Variants in FLII observed in about 807,000 individuals in gnomAD.
FLII encodes protein flightless-1 homolog.
In FLII, 101 loss-of-function variants were observed where a neutral mutation model predicts 156.2. The observed-to-expected ratio is 0.65, with a 90% CI of 0.55 to 0.76. FLII has a LOEUF of 0.76. Among genes scored for constraint, FLII ranks in the 30% least tolerant of loss-of-function variants. The pLI is 0.00. For synonymous variants in FLII, 767 were observed against 685.8 expected, an observed-to-expected ratio of 1.12 and a Z score of -1.85; for missense variants, 1,675 against 1,682.8, an observed-to-expected ratio of 1.00 and a Z score of 0.08.
At chr17:18,247,113 C>T in intron 21 of FLII, 56 bp downstream of exon 21, 2 of 1,532,082 alleles carry the variant, frequency 1.3e-6, no homozygotes, top group Non-Finnish European at 1.8e-6. Context: ...ATAGGCCCCG[C>T]CCTCGGCCTG....
chr17:18,246,483 G>C, intron 23 of FLII, 21 bp from the exon 24 acceptor site: 1 of 1,613,474 alleles, frequency 6.2e-7, no homozygotes, highest in Non-Finnish European at 8.5e-7. Flanking sequence ...GGAAGTGTTA[G>C]GGGCAGCTCC....
At chr17:18,248,987 G>T in intron 16 of FLII, 104 bp from the exon 17 acceptor site, 1 of 1,400,950 alleles carries the variant, frequency 7.1e-7, no homozygotes, top group Non-Finnish European at 1.0e-6. Context: ...GGGTTTCTGG[G>T]TAAGCCCCAG....
intron 1 of FLII, among the ~76,000 whole-genome samples, chr17:18,257,997 T>C (rs1019080042): frequency 2.0e-5 from 3 of 152,098 alleles, no homozygotes; most frequent in Non-Finnish European, 4.4e-5. Context: ...GTCCCTTTTC[T>C]CTCAGTCCAG....
chr17:18,257,678 C>T (rs867022534), intron 1 of FLII, among the ~76,000 whole-genome samples: 3 of 152,206 alleles, frequency 2.0e-5, no homozygotes, highest in African/African-American at 7.2e-5. Flanking sequence ...CAAAGAGGAA[C>T]GGGGACCCCA....
rs2048022795 is a variant in FLII at position 18,245,799 on chromosome 17, C to T, written c.3448G>A (p.Ala1150Thr). Residue 1150 changes from alanine (A) to threonine (T), a missense_variant, in exon 27 of 30, where the codon GCA becomes ACA. Around this residue, in one of 2 missense-constraint regions of FLII, gnomAD observed 1,332 missense variants for 1,269.3 expected, o/e 1.05. Coordinates refer to ENST00000327031, the MANE Select transcript of FLII (RefSeq NM_002018.4). ...GCATCGTCATCATAGGGCTTCTGTG[C>T]CCCAATGCCCACCCAGAAGAAGTTC... is the stretch of plus-strand genomic sequence containing the variant. ...PENFFWVGIG[A>T]QKPYDDDAEY... is the part of the protein sequence containing the mutation. The T allele has an allele frequency of 6.2e-7, 1 of 1,614,020 alleles. No individual in the cohort carries two copies. The highest frequency in any genetic ancestry group is 1.3e-5 in the African/African-American group (1 of 74,980).
chr17:18,245,752 A>G lies in FLII; in HGVS notation c.3495T>C (p.Arg1165=). 1 of 1,613,562 alleles carries G rather than the reference A, an allele frequency of 6.2e-7. No individual in the cohort carries two copies. Among genetic ancestry groups the G allele is most frequent in the Non-Finnish European group, 8.5e-7 (1 of 1,179,778 alleles). The part of the protein sequence containing the change: ...DDDAEYMKHT[R]LFRCSNEKGY... ...CAGGGCCCTGGCCTCACCGGAAGAG[A>G]CGTGTGTGTTTCATGTACTCGGCAT... Residue 1165 remains arginine, a synonymous_variant, in exon 27 of 30, where the codon CGT becomes CGC. Transcript: ENST00000327031.
chr17:18,245,525 G>A lies in FLII; in HGVS notation c.3609+30C>T, dbSNP rs1252502801. 4 of 1,611,528 alleles carry A rather than the reference G, an allele frequency of 2.5e-6. No homozygotes were observed. In the Admixed American group the frequency reaches 6.7e-5, roughly 27 times the overall value. ...TAAGTAAGTCTATGGGCGCCTCCTT[G>A]GATGGGCAGGGCTAGTGGCAACATC... On this transcript the variant is annotated intron_variant, in intron 28 of 29. Transcript: ENST00000327031.
In FLII at chr17:18,245,265, A is replaced by C; in HGVS notation, c.3683T>G (p.Ile1228Ser). 2 of 1,612,984 alleles carry C rather than the reference A, an allele frequency of 1.2e-6. No individual in the cohort carries two copies. Among genetic ancestry groups the C allele is most frequent in the Non-Finnish European group, 1.7e-6 (2 of 1,179,096 alleles). ...ATGTTCCTTGGACCGCATGTGCTGG[A>C]TATATACCTGGCAAGGGGACAGCGA... ...KLSLKACQVY[I>S]QHMRSKEHER... The change falls in exon 30 of 30, where the codon ATC becomes AGC. Residue 1228 changes from isoleucine (I) to serine (S), a missense_variant. By Grantham distance (142) the Ile-to-Ser change is moderately radical (BLOSUM62 -2). Around this residue, in one of 2 missense-constraint regions of FLII, gnomAD observed 1,332 missense variants for 1,269.3 expected, o/e 1.05. Transcript: ENST00000327031.
Position 18,257,013 on chromosome 17 carries a change from A to G in FLII, c.70T>C (p.Tyr24His). 1.2e-6 allele frequency: 2 copies of G among 1,602,890 alleles called. No homozygotes were observed. Among genetic ancestry groups the G allele is most frequent in the East Asian group, 4.5e-5 (2 of 44,420 alleles). Reference protein sequence around the residue: ...DLSGNDFKGGYFPENVKAMTS... With the variant: ...DLSGNDFKGGHFPENVKAMTS... The stretch of plus-strand genomic sequence containing the variant: ...ATGGCCTTGACATTCTCAGGGAAGT[A>G]GCCGCCCTGGGGGAAGGATGTCAAG... Residue 24 changes from tyrosine (Y) to histidine (H), a missense_variant, in exon 2 of 30, where the codon TAC becomes CAC. Physicochemically the swap from Tyr to His is moderately conservative, Grantham distance 83 (BLOSUM62 2). Around this residue, in one of 2 missense-constraint regions of FLII, gnomAD observed 343 missense variants for 413.5 expected, o/e 0.83. Coordinates refer to ENST00000327031, the MANE Select transcript of FLII (RefSeq NM_002018.4).
In FLII at chr17:18,244,840, T is replaced by A. The variant is rs947375738; in HGVS notation, c.*298A>T. On this transcript the variant is annotated 3_prime_UTR_variant, in exon 30 of 30. Coordinates refer to ENST00000327031, the MANE Select transcript of FLII (RefSeq NM_002018.4). ...TTTTAATATTAAAAATACTGATTTT[T>A]AATATTGAAAATAAAAGCATTTAAT... 1.0e-5 allele frequency: 4 copies of A among 397,574 alleles called. No homozygotes were observed. The highest frequency in any genetic ancestry group is 8.2e-5 in the African/African-American group (4 of 48,574). The allele number at this position is 397,574 out of a possible 1,614,324, so 24.6% of individuals were successfully genotyped here.
In FLII at chr17:18,246,762, G is replaced by A. The variant is rs773394547; in HGVS notation, c.2883C>T (p.Gly961=). 2.5e-6 allele frequency: 4 copies of A among 1,613,850 alleles called. No individual in the cohort carries two copies. In the East Asian group the frequency reaches 8.9e-5, roughly 36 times the overall value. Reference sequence around the variant, plus strand: ...CAGCGGTTGCTTCCTCGCCTTCTTTGCCCTCGGCCTTCTCCTCCTTGTCTT... The same window carrying A: ...CAGCGGTTGCTTCCTCGCCTTCTTTACCCTCGGCCTTCTCCTCCTTGTCTT... ...KKEDKEEKAE[G]KEGEEATAEA... is the part of the protein sequence containing the mutation. Residue 961 remains glycine (G), a synonymous_variant, in exon 23 of 30, where the codon GGC becomes GGT. Transcript: ENST00000327031.
rs906563844 is a variant in FLII, at chr17:18,253,707, G to A, written c.692C>T (p.Ser231Phe). 1 of 1,610,318 alleles carries A rather than the reference G, an allele frequency of 6.2e-7. No individual in the cohort carries two copies. The highest frequency in any genetic ancestry group is 2.2e-5 in the East Asian group (1 of 44,758). Reference protein sequence around the residue: ...GLSNLADVDLSCNDLTRVPEC... With the variant: ...GLSNLADVDLFCNDLTRVPEC... ...GGGCACCCGTGTCAGGTCATTGCAG[G>A]ACAGATCCACGTCTGGGGTGCAGGG... Residue 231 changes from serine to phenylalanine, a missense_variant, in exon 8 of 30, where the codon TCC becomes TTC. Transcript: ENST00000327031.
rs992540301 is a variant in FLII, at chr17:18,250,960, C to T, written c.1654G>A (p.Glu552Lys). 1 of 1,613,914 alleles carries T rather than the reference C, an allele frequency of 6.2e-7. No homozygotes were observed. The highest frequency in any genetic ancestry group is 2.2e-5 in the East Asian group (1 of 44,880). ...CAAGCTTTCTTGTCGAGTGTGGCCT[C>T]CCCGCCAATCCAGTAGTAGATCTCC... ...NWEIYYWIGGEATLDKKACSA... is the reference protein window; with the variant it reads ...NWEIYYWIGGKATLDKKACSA... The change falls in exon 14 of 30, where the codon GAG (glutamate) becomes AAG (lysine). Residue 552 changes from glutamate to lysine, a missense_variant. Around this residue, in one of 2 missense-constraint regions of FLII, gnomAD observed 1,332 missense variants for 1,269.3 expected, o/e 1.05. Coordinates refer to ENST00000327031, the MANE Select transcript of FLII (RefSeq NM_002018.4).
At position 18,246,949 on chromosome 17, in the gene FLII, T is replaced by A. The variant is rs776501276; in HGVS notation, c.2780A>T (p.His927Leu). 7 of 1,614,138 alleles carry A rather than the reference T, an allele frequency of 4.3e-6. No homozygotes were observed. Among genetic ancestry groups the A allele is most frequent in the Non-Finnish European group, 5.9e-6 (7 of 1,180,018 alleles). ...FARLPEEEFG[H>L]FYTQDCYVFL... is the part of the protein sequence containing the mutation. ...GACGTAGCAGTCCTGCGTGTAGAAG[T>A]GGCCAAACTCCTCTTCCGGCAGCCG... is the stretch of plus-strand genomic sequence containing the variant. Residue 927 changes from histidine to leucine, a missense_variant, in exon 22 of 30, where the codon CAC becomes CTC. Transcript: ENST00000327031.
At position 18,252,160 on chromosome 17, in the gene FLII, T is replaced by C; in HGVS notation, c.1099-14A>G. The C allele has an allele frequency of 6.2e-7, 1 of 1,611,408 alleles. No homozygotes were observed. The highest frequency in any genetic ancestry group is 8.5e-7 in the Non-Finnish European group (1 of 1,178,654). ...CACATCCAGGACCTGCCCCATAGGGTGAGCAGAGCCGGCACTGAGCCTGGG... is the reference window on the plus strand; with the variant it reads ...CACATCCAGGACCTGCCCCATAGGGCGAGCAGAGCCGGCACTGAGCCTGGG... On this transcript the variant is annotated splice_polypyrimidine_tract_variant and intron_variant, in intron 10 of 29. Coordinates refer to ENST00000327031, the MANE Select transcript of FLII (RefSeq NM_002018.4).
In FLII at chr17:18,258,618, C is replaced by G. The variant is rs1444178804; in HGVS notation, c.63+10G>C. 1 of 1,555,094 alleles carries G rather than the reference C, an allele frequency of 6.4e-7. No homozygotes were observed. On this transcript the variant is annotated intron_variant, in intron 1 of 29. Coordinates refer to ENST00000327031, the MANE Select transcript of FLII (RefSeq NM_002018.4). This position sits in a 1 kb window ranked among gnomAD's most constrained non-coding sequence, Gnocchi z 4.2. ...GCAGGGAGGCCCGGCACGCGCCCGG[C>G]CCGGCTCACCTTGAAGTCGTTGCCG...
At chr17:18,253,123 C>T (rs564370393) in intron 9 of FLII, among the ~76,000 whole-genome samples, 178 bp downstream of exon 9, 87 of 152,274 alleles carry the variant, frequency 5.7e-4, no homozygotes, top group African/African-American at 2.1e-3. Context: ...ACATTCCAGC[C>T]CAGGCGACAG....
In FLII at chr17:18,247,322, C is replaced by T; in HGVS notation, c.2523G>A (p.Val841=). 3 of 1,608,920 alleles carry T rather than the reference C, an allele frequency of 1.9e-6. No homozygotes were observed. Among genetic ancestry groups the T allele is most frequent in the Non-Finnish European group, 2.5e-6 (3 of 1,178,384 alleles). Residue 841 remains valine, a synonymous_variant, in exon 21 of 30, where the codon GTG becomes GTA. Transcript: ENST00000327031. ...CATTGCGTGTGTAGTCCACCGTCAACACATCGTCCCAATTCTTGAACTTGG... is the reference window on the plus strand; with the variant it reads ...CATTGCGTGTGTAGTCCACCGTCAATACATCGTCCCAATTCTTGAACTTGG... ...FKAKFKNWDD[V]LTVDYTRNAE...
intron 21 of FLII, 49 bp downstream of exon 21, chr17:18,247,120 C>CCGGGGGGGGGGGGGG: frequency 1.6e-6 from 2 of 1,284,388 alleles, no homozygotes; most frequent in Non-Finnish European, 2.1e-6. Context: ...CCGCCCTCGG[C>CCGGGGGGGGGGGGGG]CTGCCCCCCA....
Sources: allele counts gnomAD v4.1 joint callset (sites outside exome capture counted in the v4.1 genomes callset), GRCh38; gene constraint gnomAD v4.1.1; regional missense constraint gnomAD v4.1.1; non-coding constraint Gnocchi (gnomAD v3.1); transcripts MANE v1.5; gene names NCBI Gene and HGNC (gene_info 2026-07-23, HGNC 2026-07-21).